The following ADAMTS6 variants were observed in gnomAD, a reference collection of about 807,000 sequenced individuals.
ADAMTS6 encodes ADAM metallopeptidase with thrombospondin type 1 motif 6, also known as A disintegrin and metalloproteinase with thrombospondin motifs 6.
A neutral mutation model predicts 144.3 loss-of-function variants in ADAMTS6; 23 were observed. That is an observed-to-expected ratio of 0.16 (90% CI 0.11 to 0.23). The LOEUF (loss-of-function observed/expected upper bound fraction) is 0.23. ADAMTS6 is among the 10% of genes least tolerant of loss of function. The pLI, the probability that ADAMTS6 is intolerant of heterozygous loss-of-function variation, is 1.00. For synonymous variants in ADAMTS6, 444 were observed against 457.5 expected (o/e 0.97, Z 0.38); for missense variants, 999 against 1,379.6 (o/e 0.72, Z 4.37).
intron 7 of ADAMTS6, among the ~76,000 whole-genome samples, chr5:65,439,082 A>G (rs1170257965): frequency 6.6e-6 from 1 of 152,200 alleles, no homozygotes; most frequent in East Asian, 1.9e-4. Context: ...GGGCTGCTGG[A>G]AAGTGACGGA....
chr5:65,354,386 T>C (rs2150094322), intron 7 of ADAMTS6, among the ~76,000 whole-genome samples: 1 of 151,864 alleles, frequency 6.6e-6, no homozygotes, highest in South Asian at 2.1e-4. Flanking sequence ...TATAGCTCCT[T>C]ATGATTTCTA....
Position 65,325,232 on chromosome 5 carries a change from T to C in ADAMTS6, c.1223+4146A>G, listed in dbSNP as rs1746046756. Among the ~76,000 whole-genome samples, 2 of 152,176 alleles carry C rather than the reference T, an allele frequency of 1.3e-5. 1 individual carries two copies. Among genetic ancestry groups the C allele is most frequent in the South Asian group, 4.1e-4 (2 of 4,836 alleles). On this transcript the variant is annotated intron_variant, in intron 9 of 24. Transcript: ENST00000381055. ...TGATTGTGGTGGTGGGACATGGTTATACACCTTTGCCAACGCTCACTGAAC... is the reference window on the plus strand; with the variant it reads ...TGATTGTGGTGGTGGGACATGGTTACACACCTTTGCCAACGCTCACTGAAC...
At chr5:65,437,387 C>A (rs2150226784) in intron 7 of ADAMTS6, among the ~76,000 whole-genome samples, 1 of 152,272 alleles carries the variant, frequency 6.6e-6, no homozygotes, top group African/African-American at 2.4e-5. Flanking sequence ...AGCCACCACA[C>A]TCGGCCCCGG....
chr5:65,398,798 A>AAGAAAAG (rs1753609031), intron 7 of ADAMTS6, among the ~76,000 whole-genome samples: 1 of 92,512 alleles, frequency 1.1e-5, no homozygotes, highest in African/African-American at 4.9e-5. Context: ...GAAAGAAAGA[A>AAGAAAAG]AGAAAGAAAG....
intron 7 of ADAMTS6, among the ~76,000 whole-genome samples, chr5:65,351,941 C>A (rs914178525): frequency 3.9e-5 from 6 of 152,196 alleles, no homozygotes; most frequent in African/African-American, 1.4e-4. Flanking sequence ...CAGATAATAT[C>A]TATCAAGTCA....
intron 7 of ADAMTS6, among the ~76,000 whole-genome samples, chr5:65,424,675 C>T (rs1195558136): frequency 6.6e-6 from 1 of 152,014 alleles, no homozygotes; most frequent in Non-Finnish European, 1.5e-5. Flanking sequence ...AAAGTTGCAT[C>T]TATAAGGCAA....
At chr5:65,413,257 T>C (rs1010861972) in intron 7 of ADAMTS6, among the ~76,000 whole-genome samples, 31 of 152,146 alleles carry the variant, frequency 2.0e-4, no homozygotes, top group Non-Finnish European at 3.8e-4. Context: ...TCTAAATTTC[T>C]TTCCACTTTC....
At position 65,151,881 on chromosome 5, in the gene ADAMTS6, T is replaced by G; in HGVS notation, c.3309A>C (p.Arg1103=). ...PLVLKFKFCS[R]AYFRQMCCKT... ...TACAACACATCTGTCTGAAGTATGC[T>G]CGACTGCAGAACTTGAACTTCAGCA... Residue 1103 remains arginine (R), a synonymous_variant, in exon 25 of 25, where the codon CGA becomes CGC. Coordinates refer to ENST00000381055, the MANE Select transcript of ADAMTS6 (RefSeq NM_197941.4). 1 of 1,614,012 alleles carries G rather than the reference T, an allele frequency of 6.2e-7. No homozygotes were observed. The highest frequency in any genetic ancestry group is 2.2e-5 in the East Asian group (1 of 44,896).
intron 9 of ADAMTS6, among the ~76,000 whole-genome samples, chr5:65,300,790 C>T (rs185136628): frequency 3.3e-5 from 5 of 152,120 alleles, no homozygotes; most frequent in Non-Finnish European, 7.4e-5. Context: ...TGTCACCCCG[C>T]CTGGCTAATT....
At chr5:65,234,170 G>GT (rs1399007913) in intron 15 of ADAMTS6, among the ~76,000 whole-genome samples, 1 of 151,336 alleles carries the variant, frequency 6.6e-6, no homozygotes, top group African/African-American at 2.4e-5. Context: ...AGAATTAAAC[G>GT]TAAGACTACT....
At chr5:65,390,973 G>T (rs1752865164) in intron 7 of ADAMTS6, among the ~76,000 whole-genome samples, 1 of 148,214 alleles carries the variant, frequency 6.7e-6, no homozygotes, top group East Asian at 2.0e-4. Context: ...TTTTTTGAAA[G>T]GTTCTCACTT....
intron 7 of ADAMTS6, among the ~76,000 whole-genome samples, chr5:65,369,348 A>T (rs1379063465): frequency 6.6e-6 from 1 of 152,244 alleles, no homozygotes; most frequent in Non-Finnish European, 1.5e-5. Flanking sequence ...AGACATTATT[A>T]TTCTAAACCA....
chr5:65,359,364 TATC>T (rs1480075190), intron 7 of ADAMTS6, among the ~76,000 whole-genome samples: 1 of 152,244 alleles, frequency 6.6e-6, no homozygotes, highest in East Asian at 1.9e-4. Context: ...TGAGAAATCA[TATC>T]ATACCTGTTA....
intron 7 of ADAMTS6, among the ~76,000 whole-genome samples, chr5:65,445,512 G>T (rs1311904356): frequency 1.3e-5 from 2 of 151,970 alleles, no homozygotes; most frequent in Admixed American, 1.3e-4. Context: ...TAATGTTTTT[G>T]TGTATTTTTA....
intron 7 of ADAMTS6, among the ~76,000 whole-genome samples, chr5:65,337,859 T>C (rs1247829708): frequency 6.6e-6 from 1 of 152,178 alleles, no homozygotes; most frequent in Non-Finnish European, 1.5e-5. Flanking sequence ...GCAAGGAGTC[T>C]CGCTTTATCC....
At chr5:65,428,899 T>C (rs1376391624) in intron 7 of ADAMTS6, among the ~76,000 whole-genome samples, 1 of 152,154 alleles carries the variant, frequency 6.6e-6, no homozygotes, top group Non-Finnish European at 1.5e-5. Flanking sequence ...AAAGGATCAA[T>C]AGGAAGAAAT....
At chr5:65,169,616 G>GCAAA (rs1309952688) in intron 24 of ADAMTS6, among the ~76,000 whole-genome samples, 17 of 149,340 alleles carry the variant, frequency 1.1e-4, no homozygotes, top group Admixed American at 3.3e-4. Context: ...ATTCAGAATA[G>GCAAA]CAAAGACTTG....
intron 7 of ADAMTS6, among the ~76,000 whole-genome samples, chr5:65,406,262 A>G (rs1481313134): frequency 2.0e-5 from 3 of 152,186 alleles, no homozygotes; most frequent in Admixed American, 2.0e-4. Context: ...TTGCCCATTC[A>G]GTATGATATT....
chr5:65,193,903 TG>T (rs1732261900), intron 21 of ADAMTS6, among the ~76,000 whole-genome samples: 1 of 152,210 alleles, frequency 6.6e-6, no homozygotes, highest in Non-Finnish European at 1.5e-5. Flanking sequence ...ATGTTCCAAA[TG>T]TTGAGAACTG....
Sources: allele counts gnomAD v4.1 joint callset (sites outside exome capture counted in the v4.1 genomes callset), GRCh38; gene constraint gnomAD v4.1.1; transcripts MANE v1.5; gene names NCBI Gene and HGNC (gene_info 2026-07-23, HGNC 2026-07-21).